AOPEP: variants seen among roughly 807,000 people sequenced by gnomAD.
AOPEP encodes the protein aminopeptidase O (putative), also known as aminopeptidase O.
In AOPEP, 77 loss-of-function variants were observed where a neutral mutation model predicts 98.1. That is an observed-to-expected ratio of 0.78 (90% CI 0.65 to 0.95). The LOEUF (loss-of-function observed/expected upper bound fraction) is 0.95. Ranked by LOEUF, AOPEP falls within the 40% of genes least tolerant of loss-of-function variation. AOPEP has a pLI of 0.00. For synonymous variants in AOPEP, 346 were observed against 365.3 expected (o/e 0.95, Z 0.60); for missense variants, 1,024 against 1,024.7 (o/e 1.00, Z 0.01).
chr9:94,892,877 CTAAT>C (rs1327536439), intron 5 of AOPEP, among the ~76,000 whole-genome samples: 1 of 152,124 alleles, frequency 6.6e-6, no homozygotes, highest in Non-Finnish European at 1.5e-5. Context: ...CGTCACCTGA[CTAAT>C]TGTTTCTTGC....
At chr9:95,106,857 G>C in the AOPEP span, among the ~76,000 whole-genome samples, 4 of 152,160 alleles carry the variant, frequency 2.6e-5, no homozygotes, top group African/African-American at 2.4e-5. Flanking sequence ...TCCTGTCTCT[G>C]AGCCTCTGTT....
chr9:95,055,537 C>T (rs2066747342), intron 13 of AOPEP, among the ~76,000 whole-genome samples: 1 of 152,156 alleles, frequency 6.6e-6, no homozygotes, highest in African/African-American at 2.4e-5. Context: ...GTCTCGTGTC[C>T]TGTAGCCAAG....
intron 2 of AOPEP, among the ~76,000 whole-genome samples, chr9:94,767,875 C>T (rs142269119): frequency 2.7e-4 from 41 of 152,110 alleles, no homozygotes; most frequent in African/African-American, 9.2e-4. Flanking sequence ...GTAATTGTGC[C>T]CGGAAGTAGA....
intron 14 of AOPEP, among the ~76,000 whole-genome samples, chr9:95,061,478 C>T (rs2067311595): frequency 6.6e-6 from 1 of 152,186 alleles, no homozygotes; most frequent in Non-Finnish European, 1.5e-5. Flanking sequence ...CATTTTAAAA[C>T]TGTGCAGTCT....
chr9:95,139,299 G>A, the AOPEP span, among the ~76,000 whole-genome samples: 3 of 152,184 alleles, frequency 2.0e-5, no homozygotes, highest in Non-Finnish European at 2.9e-5. Context: ...ACCCAGTGCT[G>A]GGGTAGGCAG....
At chr9:94,752,097 G>A (rs1835935051) in intron 1 of AOPEP, among the ~76,000 whole-genome samples, 2 of 151,754 alleles carry the variant, frequency 1.3e-5, no homozygotes, top group Non-Finnish European at 2.9e-5. Flanking sequence ...TATGTTACCC[G>A]GGCTTGTCTT....
At chr9:95,093,688 C>G in the AOPEP span, among the ~76,000 whole-genome samples, 1 of 152,216 alleles carries the variant, frequency 6.6e-6, no homozygotes, top group African/African-American at 2.4e-5. Context: ...CCGGCAAGCA[C>G]GTGTGCAGGC....
At position 94,951,861 on chromosome 9, in the gene AOPEP, G is replaced by A. The variant is rs554092727; in HGVS notation, c.1662-3316G>A. 3.3e-5 allele frequency among the ~76,000 whole-genome samples: 5 copies of A among 152,262 alleles called. No homozygotes were observed. In the South Asian group the frequency reaches 1.0e-3, roughly 32 times the overall value. Reference sequence around the variant, plus strand: ...CACCAGGCTTGTGGGGAAGAGGTGCGGTAGCAGTCACATTTTCCCCCTTTA... The same window carrying A: ...CACCAGGCTTGTGGGGAAGAGGTGCAGTAGCAGTCACATTTTCCCCCTTTA... On this transcript the variant is annotated intron_variant, in intron 7 of 16. Coordinates refer to ENST00000375315, the MANE Select transcript of AOPEP (RefSeq NM_001193329.3).
intron 9 of AOPEP, among the ~76,000 whole-genome samples, chr9:94,964,268 A>G (rs532238073): frequency 6.6e-6 from 1 of 152,218 alleles, no homozygotes. Flanking sequence ...AGGTAGGAAG[A>G]GGCAGGTGCT....
intron 14 of AOPEP, among the ~76,000 whole-genome samples, chr9:95,062,922 C>T (rs1169397450): frequency 6.6e-6 from 1 of 152,224 alleles, no homozygotes; most frequent in East Asian, 1.9e-4. Context: ...CAAGGACAGA[C>T]AGAGTTGAGA....
chr9:95,114,070 G>C, the AOPEP span: 1 of 186,566 alleles, frequency 5.4e-6, no homozygotes, highest in African/African-American at 2.3e-5. Flanking sequence ...CTGAAAGACA[G>C]AGCAAGACCT....
intron 5 of AOPEP, among the ~76,000 whole-genome samples, chr9:94,897,500 G>A (rs899088698): frequency 6.6e-6 from 1 of 152,136 alleles, no homozygotes; most frequent in African/African-American, 2.4e-5. Context: ...TTCTTGATAT[G>A]TGGGAAACTT....
intron 13 of AOPEP, among the ~76,000 whole-genome samples, chr9:95,015,605 T>C (rs936992862): frequency 5.9e-5 from 9 of 152,174 alleles, no homozygotes; most frequent in Non-Finnish European, 8.8e-5. Context: ...AAAACTATTA[T>C]AGGATAGAAG....
intron 10 of AOPEP, among the ~76,000 whole-genome samples, chr9:94,978,225 G>A (rs968991564): frequency 1.3e-5 from 2 of 152,034 alleles, no homozygotes; most frequent in African/African-American, 4.8e-5. Flanking sequence ...GAGGGAGAGA[G>A]CAGGTATATA....
intron 13 of AOPEP, among the ~76,000 whole-genome samples, chr9:95,041,479 G>GTGTGTGTGTGTGTC (rs769423297): frequency 2.1e-4 from 32 of 151,764 alleles, no homozygotes; most frequent in Middle Eastern, 3.4e-3. Context: ...GTGTGTGTGT[G>GTGTGTGTGTGTGTC]TGGAGAGGGA....
chr9:94,835,104 C>T (rs2041419702), intron 5 of AOPEP, among the ~76,000 whole-genome samples: 1 of 152,104 alleles, frequency 6.6e-6, no homozygotes, highest in Non-Finnish European at 1.5e-5. Flanking sequence ...AACAGAAATG[C>T]TAAGTTATTT....
At chr9:94,937,639 C>T (rs926353927) in intron 7 of AOPEP, among the ~76,000 whole-genome samples, 4 of 152,040 alleles carry the variant, frequency 2.6e-5, no homozygotes, top group Admixed American at 2.0e-4. Flanking sequence ...TTAGAATATC[C>T]TTGCCTTGCT....
At chr9:94,841,912 G>A (rs561475796) in intron 5 of AOPEP, among the ~76,000 whole-genome samples, 9 of 152,164 alleles carry the variant, frequency 5.9e-5, no homozygotes, top group South Asian at 4.2e-4. Flanking sequence ...AATTAGCTGC[G>A]TGTGGTGGCA....
At chr9:95,093,393 C>A in the AOPEP span, among the ~76,000 whole-genome samples, 1 of 152,200 alleles carries the variant, frequency 6.6e-6, no homozygotes, top group Non-Finnish European at 1.5e-5. Flanking sequence ...AAAAGCACCA[C>A]CACGGTGACT....
Sources: allele counts gnomAD v4.1 joint callset (sites outside exome capture counted in the v4.1 genomes callset), GRCh38; gene constraint gnomAD v4.1.1; transcripts MANE v1.5; gene names NCBI Gene and HGNC (gene_info 2026-07-23, HGNC 2026-07-21).